MID1: variants seen among roughly 807,000 people sequenced by gnomAD.
MID1 encodes the protein midline 1, also known as E3 ubiquitin-protein ligase Midline-1.
Under a neutral mutation model 40.4 loss-of-function variants are expected in MID1, and 7 were observed. The observed-to-expected ratio is 0.17, with a 90% CI of 0.10 to 0.33. The LOEUF (loss-of-function observed/expected upper bound fraction) is 0.33, where lower values mean the gene tolerates loss of function less well. Among genes scored for constraint, MID1 ranks in the 10% least tolerant of loss-of-function variants. The pLI is 1.00. For synonymous variants in MID1, 229 were observed against 221.2 expected (o/e 1.04, Z -0.31); for missense variants, 367 against 558.5 (o/e 0.66, Z 3.46).
At chrX:10,716,900 A>G (rs981517178) in intron 1 of MID1, among the ~76,000 whole-genome samples, 5 of 111,813 alleles carry the variant, frequency 4.5e-5, no homozygotes, top group Non-Finnish European at 9.4e-5. Context: ...CAACATTCTT[A>G]AAGAAAAGAA....
intron 1 of MID1, among the ~76,000 whole-genome samples, chrX:10,799,693 G>A (rs1362706123): frequency 1.9e-5 from 2 of 105,556 alleles, no homozygotes; most frequent in Admixed American, 1.9e-4. Flanking sequence ...GTAGCCTTAA[G>A]GGAGGTGAAG....
At chrX:10,614,426 G>A (rs187183399) in intron 1 of MID1, among the ~76,000 whole-genome samples, 2 of 112,117 alleles carry the variant, frequency 1.8e-5, no homozygotes, top group Admixed American at 1.9e-4. Flanking sequence ...CCAAAGGCAT[G>A]GCCCTGCCCC....
rs748217734 is a variant in MID1 at position 10,469,515 on chromosome X, G to A, written c.1285+182C>T. 17 of 1,163,544 alleles carry A rather than the reference G, an allele frequency of 1.5e-5. No individual in the cohort carries two copies. In the South Asian group the frequency reaches 3.3e-4, roughly 22 times the overall value. ...GGTCATTAATTTTCATCAATATTTA[G>A]CCAGCTGTTTTTACTAATGTAGTAC... is the stretch of plus-strand genomic sequence containing the variant. On this transcript the variant is annotated intron_variant, in intron 7 of 9. Transcript: ENST00000317552.
intron 5 of MID1, chrX:10,475,254 T>C: frequency 3.0e-6 from 1 of 328,084 alleles, no homozygotes; most frequent in Non-Finnish European, 5.9e-6. Context: ...ATTAGTTTAA[T>C]CAATTACTAG....
At position 10,450,099 on chromosome X, in the gene MID1, T is replaced by C. The variant is rs180942675; in HGVS notation, c.1656-383A>G. On this transcript the variant is annotated intron_variant, in intron 9 of 9. Coordinates refer to ENST00000317552, the MANE Select transcript of MID1 (RefSeq NM_000381.4). Reference sequence around the variant, plus strand: ...CAATGACTGAAATGTTCTGCTCTCCTCGATATGGTAACCACAAGCCACATA... The same window carrying C: ...CAATGACTGAAATGTTCTGCTCTCCCCGATATGGTAACCACAAGCCACATA... 2.3e-3 allele frequency among the ~76,000 whole-genome samples: 258 copies of C among 112,570 alleles called. 1 individual carries two copies. The highest frequency in any genetic ancestry group is 7.3e-3 in the African/African-American group (226 of 31,012).
At chrX:10,819,641 T>C (rs1030465880) in intron 1 of MID1, among the ~76,000 whole-genome samples, 2 of 111,894 alleles carry the variant, frequency 1.8e-5, no homozygotes, top group Non-Finnish European at 1.9e-5. Flanking sequence ...ATATTTGTTC[T>C]TTCTGGTCTC....
intron 1 of MID1, among the ~76,000 whole-genome samples, chrX:10,710,493 T>A (rs1028769689): frequency 7.3e-4 from 79 of 108,620 alleles, no homozygotes; most frequent in African/African-American, 2.2e-3. Context: ...AGTACATATA[T>A]TATATATATA....
intron 2 of MID1, among the ~76,000 whole-genome samples, chrX:10,548,473 G>A (rs1165606948): frequency 8.9e-6 from 1 of 111,798 alleles, no homozygotes; most frequent in East Asian, 2.8e-4. Flanking sequence ...TTTTATAATC[G>A]TAAATAAGAC....
chrX:10,752,120 C>G, intron 1 of MID1, among the ~76,000 whole-genome samples: 1 of 111,308 alleles, frequency 9.0e-6, no homozygotes, highest in East Asian at 2.8e-4. Flanking sequence ...AGCCTAAATA[C>G]ATTTATTTTC....
intron 9 of MID1, among the ~76,000 whole-genome samples, chrX:10,452,786 A>T (rs928099682): frequency 9.0e-6 from 1 of 111,520 alleles, no homozygotes; most frequent in South Asian, 3.8e-4. Flanking sequence ...GTTAGTTTTG[A>T]CATCTGGAGG....
chrX:10,693,161 A>AT (rs1423473862), intron 1 of MID1, among the ~76,000 whole-genome samples: 1 of 109,995 alleles, frequency 9.1e-6, no homozygotes, highest in Non-Finnish European at 1.9e-5. Flanking sequence ...ACTAAACACA[A>AT]TATATACTCT....
At chrX:10,639,827 C>T (rs966477059) in intron 1 of MID1, among the ~76,000 whole-genome samples, 25 of 112,152 alleles carry the variant, frequency 2.2e-4, no homozygotes, top group Admixed American at 2.1e-3. Context: ...TCGGCAGAAA[C>T]TCTACAAGCC....
intron 1 of MID1, among the ~76,000 whole-genome samples, chrX:10,640,884 T>G (rs1157911371): frequency 8.9e-6 from 1 of 111,894 alleles, no homozygotes; most frequent in Non-Finnish European, 1.9e-5. Flanking sequence ...CTCAACTGCA[T>G]GGAAACTGAA....
intron 1 of MID1, among the ~76,000 whole-genome samples, chrX:10,754,460 A>G (rs1430619468): frequency 9.0e-6 from 1 of 111,346 alleles, no homozygotes; most frequent in African/African-American, 3.3e-5. Context: ...TTTATGGGAA[A>G]AAAATGCTGT....
At chrX:10,537,586 A>G (rs1933307995) in intron 2 of MID1, among the ~76,000 whole-genome samples, 1 of 112,330 alleles carries the variant, frequency 8.9e-6, no homozygotes, top group Admixed American at 9.4e-5. Flanking sequence ...ATTTGAATAA[A>G]GTGTCACTGA....
intron 1 of MID1, among the ~76,000 whole-genome samples, chrX:10,652,021 T>C (rs1388310507): frequency 8.9e-6 from 1 of 112,070 alleles, no homozygotes; most frequent in Non-Finnish European, 1.9e-5. Context: ...ATATTGTAAA[T>C]TTATTACTAC....
intron 1 of MID1, among the ~76,000 whole-genome samples, chrX:10,763,316 T>TC (rs1396441478): frequency 2.5e-4 from 20 of 80,361 alleles, no homozygotes; most frequent in Non-Finnish European, 3.5e-4. Context: ...CCTCCCCCCT[T>TC]CCCCCCACCC....
intron 2 of MID1, among the ~76,000 whole-genome samples, chrX:10,552,205 ATAATTTTATTAAAAGTTAAATTAGAG>A (rs1933940349): frequency 9.0e-6 from 1 of 111,097 alleles, no homozygotes; most frequent in Non-Finnish European, 1.9e-5. Context: ...CGGAGATCAG[ATAATTTTATTAAAAGTTAAATTAGAG>A]TAGTCCTCCA....
intron 1 of MID1, among the ~76,000 whole-genome samples, chrX:10,720,440 T>G (rs1317329655): frequency 8.9e-6 from 1 of 111,893 alleles, no homozygotes; most frequent in Non-Finnish European, 1.9e-5. Context: ...AAAAGACACA[T>G]GAAAAAATGC....
Sources: gnomAD v4.1 joint callset for allele counts (sites outside exome capture counted in the v4.1 genomes callset) on GRCh38, gnomAD v4.1.1 for gene constraint, MANE v1.5 for transcripts, NCBI Gene and HGNC (gene_info 2026-07-23, HGNC 2026-07-21) for gene names.